Variants in DOCK3 observed in about 807,000 individuals in gnomAD.
DOCK3 encodes the protein dedicator of cytokinesis 3, also known as dedicator of cytokinesis protein 3.
Under a neutral mutation model 265.6 loss-of-function variants are expected in DOCK3, and 60 were observed. The observed-to-expected ratio is 0.23, with a 90% confidence interval of 0.18 to 0.28. The LOEUF (loss-of-function observed/expected upper bound fraction) is 0.28. DOCK3 is among the 10% of genes least tolerant of loss of function. DOCK3 has a pLI of 1.00. For synonymous variants in DOCK3, 881 were observed against 938.0 expected, an observed-to-expected ratio of 0.94 and a Z score of 1.11; for missense variants, 1,981 against 2,594.3, an observed-to-expected ratio of 0.76 and a Z score of 5.14.
chr3:50,876,256 G>T (rs2047696620), intron 3 of DOCK3, among the ~76,000 whole-genome samples: 1 of 151,964 alleles, frequency 6.6e-6, no homozygotes, highest in Non-Finnish European at 1.5e-5. Flanking sequence ...AGTTTTATTT[G>T]CCTCCCATTT....
chr3:51,314,469 T>C (rs1313232756), intron 31 of DOCK3, among the ~76,000 whole-genome samples: 1 of 152,124 alleles, frequency 6.6e-6, no homozygotes, highest in African/African-American at 2.4e-5. Flanking sequence ...TACATGAACA[T>C]AGGCAGTGTA....
At chr3:50,816,917 A>G (rs2044112801) in intron 2 of DOCK3, among the ~76,000 whole-genome samples, 1 of 152,126 alleles carries the variant, frequency 6.6e-6, no homozygotes, top group South Asian at 2.1e-4. Context: ...CCAGACCCCA[A>G]GAGAGGATTC....
rs2084232254 is a variant in DOCK3, at chr3:51,327,723, AG to A, written c.3403-2413del. Among the ~76,000 whole-genome samples, 3 of 126,740 alleles carry A rather than the reference AG, an allele frequency of 2.4e-5. No individual in the cohort carries two copies. The Admixed American group carries it at 3.0e-4, about 13-fold the overall frequency. The allele number at this position is 126,740 out of a possible 152,430, so 83.1% of individuals were successfully genotyped here. On this transcript the variant is annotated intron_variant, in intron 32 of 52. Coordinates refer to ENST00000266037, the MANE Select transcript of DOCK3 (RefSeq NM_004947.5). ...GAGATGGAGTCTCACTCTGTTGCCC[AG>A]GCTGGAATGCAGTGGCACAATCTCG...
At chr3:50,921,311 C>T (rs1156821963) in intron 4 of DOCK3, among the ~76,000 whole-genome samples, 1 of 152,132 alleles carries the variant, frequency 6.6e-6, no homozygotes, top group Non-Finnish European at 1.5e-5. Flanking sequence ...TCTTCAGTCA[C>T]TGATACCCTT....
At chr3:51,152,164 TC>T (rs1171669074) in intron 10 of DOCK3, among the ~76,000 whole-genome samples, 1 of 152,198 alleles carries the variant, frequency 6.6e-6, no homozygotes, top group Non-Finnish European at 1.5e-5. Flanking sequence ...TTTCACATAG[TC>T]CCATATTTCT....
At chr3:50,695,662 G>C (rs2035568681) in intron 1 of DOCK3, among the ~76,000 whole-genome samples, 1 of 152,190 alleles carries the variant, frequency 6.6e-6, no homozygotes, top group African/African-American at 2.4e-5. Flanking sequence ...GAATGCGAGA[G>C]AGAACTTTCC....
intron 26 of DOCK3, among the ~76,000 whole-genome samples, chr3:51,278,874 C>T (rs540955817): frequency 2.0e-5 from 3 of 152,220 alleles, no homozygotes; most frequent in East Asian, 1.9e-4. Flanking sequence ...ACCCTCATGA[C>T]GAATTACCTA....
intron 1 of DOCK3, among the ~76,000 whole-genome samples, chr3:50,686,565 C>T (rs1343291392): frequency 2.0e-5 from 3 of 152,140 alleles, no homozygotes; most frequent in African/African-American, 4.8e-5. Context: ...AGCTGAGATA[C>T]GTGATCATGC....
intron 7 of DOCK3, among the ~76,000 whole-genome samples, chr3:51,085,527 C>T (rs1416792938): frequency 1.3e-5 from 2 of 152,122 alleles, no homozygotes; most frequent in Non-Finnish European, 1.5e-5. Context: ...ACTTTGTAAA[C>T]TGTATAAACA....
At chr3:51,308,222 CTTTTTTTTT>C (rs779774728) in intron 27 of DOCK3, among the ~76,000 whole-genome samples, 2 of 132,588 alleles carry the variant, frequency 1.5e-5, no homozygotes, top group Non-Finnish European at 3.3e-5. Flanking sequence ...ATCCATTTTT[CTTTTTTTTT>C]TTTTTTATTG....
Position 51,228,657 on chromosome 3 carries a change from A to G in DOCK3, c.1648-4A>G, listed in dbSNP as rs773857427. 15 of 1,608,650 alleles carry G rather than the reference A, an allele frequency of 9.3e-6. No homozygotes were observed. In the East Asian group the frequency reaches 2.5e-4, roughly 26 times the overall value. On this transcript the variant is annotated splice_region_variant and splice_polypyrimidine_tract_variant and intron_variant, in intron 17 of 52. Coordinates refer to ENST00000266037, the MANE Select transcript of DOCK3 (RefSeq NM_004947.5). ...GACATTTTTTTCTCCATTTTTGCCT[A>G]CAGTGTGATGAGAATAGCACGTTTA...
At chr3:51,286,637 C>G (rs1216027235) in intron 27 of DOCK3, among the ~76,000 whole-genome samples, 1 of 152,092 alleles carries the variant, frequency 6.6e-6, no homozygotes, top group African/African-American at 2.4e-5. Flanking sequence ...ACCAAAGGAA[C>G]AGAATACAGA....
intron 26 of DOCK3, chr3:51,278,378 T>C (rs1409136298): frequency 3.1e-5 from 31 of 985,292 alleles, no homozygotes; most frequent in Admixed American, 6.1e-5. Flanking sequence ...GTAGACTTAC[T>C]TCTCAGCCCT....
At chr3:51,142,661 A>G (rs2085116924) in intron 9 of DOCK3, among the ~76,000 whole-genome samples, 1 of 152,132 alleles carries the variant, frequency 6.6e-6, no homozygotes, top group Non-Finnish European at 1.5e-5. Flanking sequence ...TGTTTTGGCC[A>G]TTGTGGATAA....
chr3:51,292,209 T>A (rs1160945374), intron 27 of DOCK3, among the ~76,000 whole-genome samples: 3 of 152,172 alleles, frequency 2.0e-5, no homozygotes, highest in East Asian at 1.9e-4. Flanking sequence ...TCTGACTACT[T>A]CTGTTCAACA....
chr3:51,357,954 C>G lies in DOCK3; in HGVS notation c.4768-7C>G, dbSNP rs2110299202. 1.2e-6 allele frequency: 2 copies of G among 1,613,998 alleles called. No homozygotes were observed. Among genetic ancestry groups the G allele is most frequent in the South Asian group, 2.2e-5 (2 of 91,080 alleles). ...TCACAGAGTGGCCTTGTTTGTGACT[C>G]TGATAGGTTCATGTCCTTGGAGTTG... On this transcript the variant is annotated splice_polypyrimidine_tract_variant and splice_region_variant and intron_variant, in intron 45 of 52. Coordinates refer to ENST00000266037, the MANE Select transcript of DOCK3 (RefSeq NM_004947.5).
At chr3:51,090,079 C>A in intron 8 of DOCK3, 151 bp from the exon 9 acceptor site, 2 of 882,274 alleles carry the variant, frequency 2.3e-6, no homozygotes, top group Non-Finnish European at 3.3e-6. Context: ...GTTGATGCAG[C>A]ATCCCCTACA....
chr3:50,680,085 G>C (rs1441044959), intron 1 of DOCK3, among the ~76,000 whole-genome samples: 4 of 152,118 alleles, frequency 2.6e-5, no homozygotes, highest in Non-Finnish European at 5.9e-5. Flanking sequence ...CGTGTCCTCT[G>C]AAAGGAATTG....
At chr3:50,810,931 C>T (rs2043714956) in intron 2 of DOCK3, among the ~76,000 whole-genome samples, 1 of 152,122 alleles carries the variant, frequency 6.6e-6, no homozygotes, top group Non-Finnish European at 1.5e-5. Context: ...GCTCATTGTA[C>T]TGTATGTTCA....
Sources: allele counts gnomAD v4.1 joint callset (sites outside exome capture counted in the v4.1 genomes callset), GRCh38; gene constraint gnomAD v4.1.1; transcripts MANE v1.5; gene names NCBI Gene and HGNC (gene_info 2026-07-23, HGNC 2026-07-21).